Variants in TYW1 observed in about 807,000 individuals in gnomAD.
TYW1 encodes tRNA-yW synthesizing protein 1 homolog.
Under a neutral mutation model 96.2 loss-of-function variants are expected in TYW1, and 46 were observed. The ratio of observed to expected loss-of-function variants is 0.48; its 90% CI spans 0.38 to 0.61. The LOEUF is 0.61. Among genes scored for constraint, TYW1 ranks in the 20% least tolerant of loss-of-function variants. The pLI is 0.00. For missense variants in TYW1, 684 were observed against 909.6 expected (o/e 0.75, Z 3.19); for synonymous variants, 274 against 323.0 (o/e 0.85, Z 1.63).
At chr7:67,036,681 G>T (rs1794852773) in intron 7 of TYW1, among the ~76,000 whole-genome samples, 1 of 152,220 alleles carries the variant, frequency 6.6e-6, no homozygotes, top group Middle Eastern at 3.2e-3. Flanking sequence ...ATTGCTTGTG[G>T]GTGCCAGCCA....
chr7:67,194,145 A>G (rs1291085856), intron 14 of TYW1, among the ~76,000 whole-genome samples: 3 of 152,236 alleles, frequency 2.0e-5, no homozygotes, highest in Non-Finnish European at 4.4e-5. Context: ...GCTATTAGGT[A>G]GAGTCCAAAA....
chr7:67,211,745 C>T (rs1231367826), intron 15 of TYW1, among the ~76,000 whole-genome samples: 1 of 152,194 alleles, frequency 6.6e-6, no homozygotes, highest in African/African-American at 2.4e-5. Context: ...CTTCACTATT[C>T]GACTGCAGTG....
At chr7:67,141,730 T>C (rs533947131) in intron 13 of TYW1, among the ~76,000 whole-genome samples, 4 of 152,276 alleles carry the variant, frequency 2.6e-5, no homozygotes, top group African/African-American at 7.2e-5. Context: ...TACTTCCTAA[T>C]TGGAATTAAA....
chr7:67,175,668 TAAAAA>T (rs1382595565), intron 13 of TYW1, among the ~76,000 whole-genome samples: 1 of 152,174 alleles, frequency 6.6e-6, no homozygotes, highest in East Asian at 1.9e-4. Flanking sequence ...GATGTCATAA[TAAAAA>T]GAAAGCTGGT....
At chr7:67,074,184 A>G (rs575199619) in intron 10 of TYW1, among the ~76,000 whole-genome samples, 3 of 152,172 alleles carry the variant, frequency 2.0e-5, no homozygotes, top group Non-Finnish European at 4.4e-5. Context: ...AGACAAAAGT[A>G]TGTTAGCCAT....
chr7:67,236,385 C>T (rs1801891489), intron 15 of TYW1, among the ~76,000 whole-genome samples: 1 of 152,188 alleles, frequency 6.6e-6, no homozygotes, highest in Non-Finnish European at 1.5e-5. Context: ...GGCTGTGGCC[C>T]AGAGGAAGGG....
intron 13 of TYW1, among the ~76,000 whole-genome samples, chr7:67,150,215 G>A (rs1798754120): frequency 6.6e-6 from 1 of 152,174 alleles, no homozygotes; most frequent in South Asian, 2.1e-4. Context: ...ACTGAGGACA[G>A]GGATTAGAGG....
At chr7:67,009,559 T>G (rs759209849) in intron 3 of TYW1, 24 bp from the exon 4 acceptor site, 1 of 1,603,720 alleles carries the variant, frequency 6.2e-7, no homozygotes, top group Non-Finnish European at 8.5e-7. Context: ...AGACTTTATT[T>G]GATGTTTTTT....
intron 13 of TYW1, among the ~76,000 whole-genome samples, chr7:67,130,788 A>G (rs1377375668): frequency 7.9e-5 from 12 of 152,152 alleles, no homozygotes; most frequent in Admixed American, 7.9e-4. Flanking sequence ...TGTCTTTGGC[A>G]GCCTTCCCTA....
chr7:67,136,329 C>T (rs1396633563), intron 13 of TYW1, among the ~76,000 whole-genome samples: 3 of 152,104 alleles, frequency 2.0e-5, no homozygotes, highest in East Asian at 3.8e-4. Flanking sequence ...TAGTATGTTT[C>T]CATGTTATGT....
chr7:67,233,762 CTT>C (rs1189599431), intron 15 of TYW1, among the ~76,000 whole-genome samples: 1 of 136,050 alleles, frequency 7.4e-6, no homozygotes, highest in Non-Finnish European at 1.6e-5. Context: ...ACATGGAACA[CTT>C]TGATTTTTTC....
At chr7:67,043,415 A>G (rs1795091208) in intron 7 of TYW1, among the ~76,000 whole-genome samples, 2 of 151,142 alleles carry the variant, frequency 1.3e-5, no homozygotes, top group African/African-American at 2.4e-5. Flanking sequence ...CCCCACAGCA[A>G]TGTTCTGGCT....
At chr7:67,163,824 A>G (rs1563049898) in intron 13 of TYW1, among the ~76,000 whole-genome samples, 1 of 152,000 alleles carries the variant, frequency 6.6e-6, no homozygotes. Context: ...ATGCGCTACC[A>G]CGTCCAGCTA....
chr7:67,210,960 T>C (rs1228942887), intron 15 of TYW1, among the ~76,000 whole-genome samples: 3 of 151,238 alleles, frequency 2.0e-5, no homozygotes, highest in Non-Finnish European at 4.4e-5. Context: ...TCTGTCTGTC[T>C]TTCTGTGTCT....
At chr7:67,194,858 A>G (rs144658828) in intron 14 of TYW1, among the ~76,000 whole-genome samples, 1,555 of 143,434 alleles carry the variant, frequency 0.011, 39 homozygotes, top group African/African-American at 0.04. Context: ...ATCTGAATCA[A>G]AAGACATGCT....
intron 12 of TYW1, among the ~76,000 whole-genome samples, chr7:67,113,983 T>C (rs1484835647): frequency 2.6e-5 from 4 of 152,156 alleles, no homozygotes; most frequent in African/African-American, 9.7e-5. Flanking sequence ...ACTTAACCTT[T>C]TGAACCTCAG....
chr7:67,013,739 C>CTTTTTTTT (rs931500833), intron 4 of TYW1, among the ~76,000 whole-genome samples: 6 of 97,538 alleles, frequency 6.2e-5, no homozygotes, highest in Non-Finnish European at 7.6e-5. Flanking sequence ...GCATTTTTTC[C>CTTTTTTTT]TTTTTTTTTT....
intron 7 of TYW1, among the ~76,000 whole-genome samples, chr7:67,047,782 A>ATTTT (rs1444178198): frequency 3.4e-5 from 4 of 116,228 alleles, no homozygotes; most frequent in African/African-American, 6.2e-5. Context: ...TGTGAGTGTC[A>ATTTT]ATTTTTTTTT....
chr7:67,075,001 T>G (rs1238648356), intron 10 of TYW1, among the ~76,000 whole-genome samples: 1 of 152,178 alleles, frequency 6.6e-6, no homozygotes, highest in African/African-American at 2.4e-5. Context: ...ATTTTTGTAT[T>G]TTTAATAACT....
Sources: gnomAD v4.1 joint callset for allele counts (sites outside exome capture counted in the v4.1 genomes callset) on GRCh38, gnomAD v4.1.1 for gene constraint, MANE v1.5 for transcripts, NCBI Gene and HGNC (gene_info 2026-07-23, HGNC 2026-07-21) for gene names.